Variants in ACTR1A observed in about 807,000 individuals in gnomAD.
The protein encoded by ACTR1A is alpha-centractin.
In ACTR1A, 10 loss-of-function variants were observed where a neutral mutation model predicts 50.7. The ratio of observed to expected loss-of-function variants is 0.20; its 90% confidence interval spans 0.12 to 0.33. ACTR1A has a LOEUF of 0.33. Ranked by LOEUF, ACTR1A falls within the 10% of genes least tolerant of loss-of-function variation. The pLI is 1.00. For missense variants in ACTR1A, 253 were observed against 491.7 expected, an observed-to-expected ratio of 0.51 and a Z score of 4.59; for synonymous variants, 177 against 184.2, an observed-to-expected ratio of 0.96 and a Z score of 0.32.
In ACTR1A at chr10:102,481,167, AG is replaced by A; in HGVS notation, c.992del (p.Ser331LeufsTer105). On this transcript the variant is annotated frameshift_variant, in exon 10 of 11. Transcript: ENST00000369905. LOFTEE classifies it high-confidence loss of function. Reference sequence around the variant, plus strand: ...TGGAATACAGTCTCTCCTGAGGTGCAGATATCTGCAAAGGTGGGGGAAAGAG... The same window carrying A: ...TGGAATACAGTCTCTCCTGAGGTGCAATATCTGCAAAGGTGGGGGAAAGAG... ...LAPKDVKIRI[S>X]APQERLYSTW... 1 of 1,597,420 alleles carries A rather than the reference AG, an allele frequency of 6.3e-7. No individual in the cohort carries two copies. Among genetic ancestry groups the A allele is most frequent in the Non-Finnish European group, 8.5e-7 (1 of 1,171,526 alleles).
At chr10:102,495,567 T>TA (rs996273029) in intron 1 of ACTR1A, among the ~76,000 whole-genome samples, 82 of 127,182 alleles carry the variant, frequency 6.4e-4, no homozygotes, top group Admixed American at 1.6e-3. Context: ...AGACTCCATC[T>TA]AAAAAAAAAA....
rs35977798 is a variant in ACTR1A, at chr10:102,480,186, G to A, written c.*677C>T. 476 of 159,988 alleles carry A rather than the reference G, an allele frequency of 3.0e-3. 3 individuals carry two copies. Among genetic ancestry groups the A allele is most frequent in the Non-Finnish European group, 4.2e-3 (304 of 72,170 alleles). The allele number at this position is 159,988 out of a possible 1,614,324, so 9.9% of individuals were successfully genotyped here. A position where few individuals can be genotyped will look rare whatever the true frequency, so the allele number is the denominator to read the frequency against. ...AACTCTCCCAAGGCCCCCGAAAGGGGACTGGGCTGGGAACATTAACTCTGC... is the reference window on the plus strand; with the variant it reads ...AACTCTCCCAAGGCCCCCGAAAGGGAACTGGGCTGGGAACATTAACTCTGC... On this transcript the variant is annotated 3_prime_UTR_variant, in exon 11 of 11. Coordinates refer to ENST00000369905, the MANE Select transcript of ACTR1A (RefSeq NM_005736.4).
chr10:102,486,876 C>A (rs1249569615), intron 4 of ACTR1A, among the ~76,000 whole-genome samples: 3 of 151,664 alleles, frequency 2.0e-5, no homozygotes, highest in African/African-American at 7.3e-5. Context: ...ACCTCGATGC[C>A]CCCAGGCTCA....
intron 4 of ACTR1A, among the ~76,000 whole-genome samples, chr10:102,487,698 C>A (rs2062175455): frequency 6.9e-6 from 1 of 144,390 alleles, no homozygotes; most frequent in African/African-American, 2.6e-5. Context: ...GTGGCGCAAT[C>A]TCGGCTCACT....
rs201428036 is a variant in ACTR1A at position 102,486,790 on chromosome 10, CT to C, written c.316-1058del. On this transcript the variant is annotated intron_variant, in intron 4 of 10. Transcript: ENST00000369905. ...GCACCTCTCTGCATTTTCTTTCTTT[CT>C]TTTTTTTTTTTTGAGACAAGGTCTC... is the stretch of plus-strand genomic sequence containing the variant. Among the ~76,000 whole-genome samples, 854 of 144,224 alleles carry C rather than the reference CT, an allele frequency of 5.9e-3. 1 individual carries two copies. The highest frequency in any genetic ancestry group is 8.3e-3 in the Non-Finnish European group (548 of 66,050). The allele number at this position is 144,224 out of a possible 152,430, so 94.6% of individuals were successfully genotyped here.
chr10:102,481,615 A>G (rs2062142789), intron 9 of ACTR1A, among the ~76,000 whole-genome samples: 1 of 152,164 alleles, frequency 6.6e-6, no homozygotes, highest in South Asian at 2.1e-4. Flanking sequence ...TCATCTGGGT[A>G]TTAGAACTGC....
intron 1 of ACTR1A, among the ~76,000 whole-genome samples, chr10:102,497,072 G>A (rs1367250669): frequency 6.6e-6 from 1 of 151,792 alleles, no homozygotes. Flanking sequence ...CCAACTACTC[G>A]GGAGGCTGAA....
intron 1 of ACTR1A, among the ~76,000 whole-genome samples, chr10:102,497,674 G>A (rs1048106049): frequency 1.3e-5 from 2 of 152,124 alleles, no homozygotes; most frequent in South Asian, 4.1e-4. Context: ...AAAGAGATGG[G>A]GGTCTTGCTG....
At chr10:102,481,472 A>G (rs764934416) in intron 9 of ACTR1A, among the ~76,000 whole-genome samples, 1 of 152,182 alleles carries the variant, frequency 6.6e-6, no homozygotes, top group Non-Finnish European at 1.5e-5. Context: ...TCCTTCACCT[A>G]TCACTAAGGT....
chr10:102,483,298 G>T (rs1223738783), intron 6 of ACTR1A, 195 bp from the exon 7 acceptor site: 3 of 556,190 alleles, frequency 5.4e-6, no homozygotes, highest in Non-Finnish European at 9.7e-6. Context: ...TAGCATATGA[G>T]TTCTTAACCG....
chr10:102,492,259 T>C (rs2062198425), intron 1 of ACTR1A, among the ~76,000 whole-genome samples: 1 of 150,926 alleles, frequency 6.6e-6, no homozygotes. Context: ...TTAGTGGAGA[T>C]GAGGGTTCAC....
chr10:102,481,263 T>C, intron 9 of ACTR1A, 91 bp from the exon 10 acceptor site: 2 of 1,371,712 alleles, frequency 1.5e-6, no homozygotes, highest in Middle Eastern at 2.0e-4. Flanking sequence ...TGGCAGGGGA[T>C]ACATTTTACA....
At position 102,479,747 on chromosome 10, in the gene ACTR1A, C is replaced by A; in HGVS notation, c.*1116G>T. 8.3e-7 allele frequency: 1 copy of A among 1,210,918 alleles called. No homozygotes were observed. The highest frequency in any genetic ancestry group is 1.1e-6 in the Non-Finnish European group (1 of 920,972). 75.0% of individuals were successfully genotyped at this position (1,210,918 alleles called of 1,614,324 possible). On this transcript the variant is annotated 3_prime_UTR_variant, in exon 11 of 11. Transcript: ENST00000369905. The surrounding 1 kb of genome is among the most constrained non-coding windows in gnomAD (Gnocchi z 4.0). ...CAACTTGGTAAATTGCAGCTTTCTC[C>A]AGTCTTAAGGGCACTGGCTCTCCAA...
Position 102,482,058 on chromosome 10 carries a change from G to T in ACTR1A, c.868C>A (p.Leu290Met). 1 of 1,614,210 alleles carries T rather than the reference G, an allele frequency of 6.2e-7. No homozygotes were observed. The highest frequency in any genetic ancestry group is 1.1e-5 in the South Asian group (1 of 91,082). Residue 290 changes from leucine to methionine, a missense_variant, in exon 8 of 11, where the codon CTG (leucine) becomes ATG (methionine). Around this residue, in one of 4 missense-constraint regions of ACTR1A, gnomAD observed 116 missense variants for 155.9 expected, o/e 0.74. Coordinates refer to ENST00000369905, the MANE Select transcript of ACTR1A (RefSeq NM_005736.4). This position sits in a 1 kb window ranked among gnomAD's most constrained non-coding sequence, Gnocchi z 5.6. ...ATGTTAGAGAAAAGCGTGCGCCGCA[G>T]GTCCATGTCTGACTTCTGAATGGCG... ...VFAIQKSDMD[L>M]RRTLFSNIVL...
intron 1 of ACTR1A, among the ~76,000 whole-genome samples, chr10:102,498,563 C>T (rs1474308625): frequency 6.6e-6 from 1 of 151,952 alleles, no homozygotes. Flanking sequence ...ACTGCAGCCT[C>T]AAACTCCTGG....
rs979323974 is a variant in ACTR1A at position 102,488,787 on chromosome 10, G to A, written c.189+276C>T. 6.6e-6 allele frequency among the ~76,000 whole-genome samples: 1 copy of A among 152,152 alleles called. No homozygotes were observed. Among genetic ancestry groups the A allele is most frequent in the African/African-American group, 2.4e-5 (1 of 41,428 alleles). ...CACAGTAAATTTGATCACTGACAAG[G>A]CAGTGACAGGATGCAGAAGACAACA... On this transcript the variant is annotated intron_variant, in intron 3 of 10. Transcript: ENST00000369905. The surrounding 1 kb of genome is among the most constrained non-coding windows in gnomAD (Gnocchi z 4.4).
chr10:102,485,196 A>G (rs2062161176), intron 5 of ACTR1A, among the ~76,000 whole-genome samples: 1 of 151,878 alleles, frequency 6.6e-6, no homozygotes, highest in Non-Finnish European at 1.5e-5. Flanking sequence ...GCCACGGGGG[A>G]TGGGAACAAG....
chr10:102,484,196 T>A lies in ACTR1A; in HGVS notation c.621A>T (p.Ser207=), dbSNP rs1327325392. Residue 207 remains serine, a synonymous_variant, in exon 6 of 11, where the codon TCA becomes TCT. Transcript: ENST00000369905. ...CCTTGACAATCTCAAACTCAGAGGA[T>A]GAGTGGAAGTCGTAGCCCTCCTTAC... is the stretch of plus-strand genomic sequence containing the variant. ...YLRKEGYDFH[S]SSEFEIVKAI... is the part of the protein sequence containing the mutation. 10 of 1,614,004 alleles carry A rather than the reference T, an allele frequency of 6.2e-6. No individual in the cohort carries two copies. In the Admixed American group the frequency reaches 1.7e-4, roughly 27 times the overall value.
At chr10:102,483,369 C>T (rs1182693096) in intron 6 of ACTR1A, 1 of 428,796 alleles carries the variant, frequency 2.3e-6, no homozygotes, top group Admixed American at 3.8e-5. Flanking sequence ...TCTGAGACCA[C>T]AACCTAAGTT....
Sources: allele counts gnomAD v4.1 joint callset (sites outside exome capture counted in the v4.1 genomes callset), GRCh38; gene constraint gnomAD v4.1.1; regional missense constraint gnomAD v4.1.1; non-coding constraint Gnocchi (gnomAD v3.1); transcripts MANE v1.5; gene names NCBI Gene and HGNC (gene_info 2026-07-23, HGNC 2026-07-21).